PKIG: variants seen among roughly 807,000 people sequenced by gnomAD.
PKIG encodes cAMP-dependent protein kinase inhibitor gamma.
PKIG carries 1 observed loss-of-function variant against 6.8 expected under a neutral mutation model. The ratio of observed to expected loss-of-function variants is 0.15; its 90% CI spans 0.05 to 0.69. PKIG has a LOEUF of 0.69. Ranked by LOEUF, PKIG falls within the 30% of genes least tolerant of loss-of-function variation. PKIG has a pLI of 0.82. For synonymous variants in PKIG, 39 were observed against 43.0 expected (o/e 0.91, Z 0.36); for missense variants, 77 against 104.0 (o/e 0.74, Z 1.13).
At chr20:44,589,046 G>T (rs1476334761) in intron 1 of PKIG, among the ~76,000 whole-genome samples, 1 of 152,060 alleles carries the variant, frequency 6.6e-6, no homozygotes, top group Non-Finnish European at 1.5e-5. Context: ...TTTCCCAGGG[G>T]GAACCATTGG....
intron 1 of PKIG, among the ~76,000 whole-genome samples, chr20:44,555,050 T>C (rs1159957699): frequency 6.6e-6 from 1 of 152,222 alleles, no homozygotes; most frequent in Non-Finnish European, 1.5e-5. Flanking sequence ...TTAATATCTG[T>C]ATTTTTGACA....
intron 3 of PKIG, among the ~76,000 whole-genome samples, chr20:44,615,868 C>G (rs1471282501): frequency 6.6e-6 from 1 of 152,172 alleles, no homozygotes; most frequent in Non-Finnish European, 1.5e-5. Flanking sequence ...GGAGGACTTG[C>G]TCTGGGCCAC....
At chr20:44,565,724 A>G (rs1362016111) in intron 1 of PKIG, among the ~76,000 whole-genome samples, 1 of 152,160 alleles carries the variant, frequency 6.6e-6, no homozygotes, top group African/African-American at 2.4e-5. Flanking sequence ...AATAGCCCTG[A>G]CTTTAATATG....
chr20:44,567,990 T>A (rs1260530443), intron 1 of PKIG, among the ~76,000 whole-genome samples: 1 of 152,056 alleles, frequency 6.6e-6, no homozygotes, highest in African/African-American at 2.4e-5. Context: ...ACAAAAAAAA[T>A]ACAAAATGAG....
chr20:44,575,786 T>C (rs1398228641), intron 1 of PKIG, among the ~76,000 whole-genome samples: 1 of 152,194 alleles, frequency 6.6e-6, no homozygotes. Context: ...GCAGAGCTTT[T>C]GGGCCCTCTG....
At chr20:44,610,682 A>T (rs2065210437) in intron 2 of PKIG, among the ~76,000 whole-genome samples, 1 of 152,218 alleles carries the variant, frequency 6.6e-6, no homozygotes, top group Admixed American at 6.5e-5. Context: ...GTTCCCCTTA[A>T]TCACAAAGAA....
At chr20:44,610,498 T>A (rs867523761) in intron 2 of PKIG, among the ~76,000 whole-genome samples, 267 of 119,604 alleles carry the variant, frequency 2.2e-3, no homozygotes, top group African/African-American at 7.9e-3. Context: ...TCTCTCTCTC[T>A]CTCACACACA....
At chr20:44,593,205 C>T (rs1267825990) in intron 2 of PKIG, among the ~76,000 whole-genome samples, 3 of 151,718 alleles carry the variant, frequency 2.0e-5, no homozygotes, top group African/African-American at 7.3e-5. Context: ...TGGCGTGCAC[C>T]TGTAGTCCCA....
chr20:44,568,405 CT>C (rs2064827565), intron 1 of PKIG, among the ~76,000 whole-genome samples: 1 of 151,820 alleles, frequency 6.6e-6, no homozygotes, highest in Non-Finnish European at 1.5e-5. Flanking sequence ...CCATTTTTTT[CT>C]ACTTTCCGTT....
chr20:44,541,840 C>T (rs1402602389), intron 1 of PKIG, among the ~76,000 whole-genome samples: 2 of 151,926 alleles, frequency 1.3e-5, no homozygotes, highest in African/African-American at 4.8e-5. Context: ...AGAGGTGTGC[C>T]ACCATGCCCG....
intron 1 of PKIG, among the ~76,000 whole-genome samples, chr20:44,558,489 A>G (rs116335971): frequency 6.6e-6 from 1 of 152,084 alleles, no homozygotes; most frequent in African/African-American, 2.4e-5. Flanking sequence ...AAATCATCTT[A>G]TCTTTTGGAC....
At chr20:44,591,818 T>A (rs1488236043) in intron 2 of PKIG, among the ~76,000 whole-genome samples, 1 of 152,216 alleles carries the variant, frequency 6.6e-6, no homozygotes, top group Non-Finnish European at 1.5e-5. Flanking sequence ...TCCAGAGAAA[T>A]CTCTCTGTTT....
intron 1 of PKIG, among the ~76,000 whole-genome samples, chr20:44,554,970 GT>G (rs2064700909): frequency 1.3e-5 from 2 of 152,224 alleles, no homozygotes; most frequent in African/African-American, 4.8e-5. Context: ...ATTAAAAATT[GT>G]TACGGTTTTG....
At chr20:44,550,671 TTTG>T (rs2064659691) in intron 1 of PKIG, among the ~76,000 whole-genome samples, 1 of 152,170 alleles carries the variant, frequency 6.6e-6, no homozygotes, top group Admixed American at 6.5e-5. Context: ...CAACTTTCAT[TTTG>T]TTAAGTCATC....
chr20:44,589,115 C>A (rs972323399), intron 1 of PKIG, among the ~76,000 whole-genome samples: 3 of 151,648 alleles, frequency 2.0e-5, no homozygotes, highest in Admixed American at 6.6e-5. Flanking sequence ...AGTATGTATA[C>A]TTTTTAAAAA....
intron 1 of PKIG, among the ~76,000 whole-genome samples, chr20:44,547,649 C>A (rs1363503565): frequency 6.6e-6 from 1 of 152,184 alleles, no homozygotes; most frequent in Non-Finnish European, 1.5e-5. Flanking sequence ...AATGTGGGAG[C>A]TGTGGCACTT....
At chr20:44,581,086 G>T (rs1312822558), upstream of PKIG, among the ~76,000 whole-genome samples, 1 of 152,164 alleles carries the variant, frequency 6.6e-6, no homozygotes, top group African/African-American at 2.4e-5. Flanking sequence ...CATGTGTGTG[G>T]CATGTGTGCT....
chr20:44,576,144 A>G (rs2064895294), intron 1 of PKIG, among the ~76,000 whole-genome samples: 1 of 149,942 alleles, frequency 6.7e-6, no homozygotes, highest in Admixed American at 6.7e-5. Context: ...TTTACCATAG[A>G]CTGGACTAAG....
chr20:44,554,393 T>C (rs2123208941), intron 1 of PKIG, among the ~76,000 whole-genome samples: 1 of 152,344 alleles, frequency 6.6e-6, no homozygotes, highest in East Asian at 1.9e-4. Flanking sequence ...AAAAAATTTT[T>C]TAATCCAGAT....
Sources: gnomAD v4.1 joint callset for allele counts (sites outside exome capture counted in the v4.1 genomes callset) on GRCh38, gnomAD v4.1.1 for gene constraint, MANE v1.5 for transcripts, NCBI Gene and HGNC (gene_info 2026-07-23, HGNC 2026-07-21) for gene names.